The following ZMAT4 variants were observed in gnomAD, a reference collection of about 807,000 sequenced individuals.
The protein encoded by ZMAT4 is zinc finger matrin-type protein 4.
Under a neutral mutation model 28.7 loss-of-function variants are expected in ZMAT4, and 17 were observed. The observed-to-expected ratio is 0.59, with a 90% CI of 0.41 to 0.89. ZMAT4 has a LOEUF of 0.89. ZMAT4 is among the 40% of genes least tolerant of loss of function. The probability of loss-of-function intolerance (pLI) is 0.00; values close to 1 mark genes in which losing one functional copy is unlikely to be tolerated. For synonymous variants in ZMAT4, 117 were observed against 109.2 expected, an observed-to-expected ratio of 1.07 and a Z score of -0.44; for missense variants, 240 against 283.8, an observed-to-expected ratio of 0.85 and a Z score of 1.11.
chr8:40,653,316 T>C (rs1807767181), intron 5 of ZMAT4, among the ~76,000 whole-genome samples: 1 of 151,866 alleles, frequency 6.6e-6, no homozygotes. Flanking sequence ...AGATCTCAAT[T>C]CAATAACTAA....
At chr8:40,639,539 G>T (rs1806927243) in intron 5 of ZMAT4, among the ~76,000 whole-genome samples, 1 of 151,880 alleles carries the variant, frequency 6.6e-6, no homozygotes, top group Non-Finnish European at 1.5e-5. Context: ...TTTTTCTTGG[G>T]GTCAAAGTAA....
At chr8:40,573,435 C>G (rs1312342680) in intron 6 of ZMAT4, among the ~76,000 whole-genome samples, 1 of 152,174 alleles carries the variant, frequency 6.6e-6, no homozygotes, top group Non-Finnish European at 1.5e-5. Flanking sequence ...CTGCCTTCAT[C>G]TGCACTTAGC....
intron 4 of ZMAT4, among the ~76,000 whole-genome samples, chr8:40,694,351 A>G (rs1000185305): frequency 1.3e-5 from 2 of 151,746 alleles, no homozygotes; most frequent in Non-Finnish European, 2.9e-5. Context: ...TCCACCTTAT[A>G]CTCTAAGGCT....
intron 6 of ZMAT4, among the ~76,000 whole-genome samples, chr8:40,547,655 G>C (rs1803246405): frequency 6.6e-6 from 1 of 152,124 alleles, no homozygotes; most frequent in East Asian, 1.9e-4. Context: ...TAAGTTCTGG[G>C]TGCATGTGCA....
intron 5 of ZMAT4, among the ~76,000 whole-genome samples, chr8:40,625,474 C>T (rs902459910): frequency 6.6e-6 from 1 of 151,722 alleles, no homozygotes; most frequent in Non-Finnish European, 1.5e-5. Context: ...AGGGTGGTTG[C>T]GATAGAAGTG....
At chr8:40,580,250 G>T (rs180790129) in intron 6 of ZMAT4, among the ~76,000 whole-genome samples, 1 of 152,090 alleles carries the variant, frequency 6.6e-6, no homozygotes, top group African/African-American at 2.4e-5. Flanking sequence ...CTGACCTCCT[G>T]ATCCGCCCAC....
chr8:40,785,832 T>A (rs548614866), intron 2 of ZMAT4, among the ~76,000 whole-genome samples: 1 of 152,202 alleles, frequency 6.6e-6, no homozygotes, highest in Non-Finnish European at 1.5e-5. Flanking sequence ...CCTCCCACCA[T>A]CTGCTCTTAG....
At chr8:40,585,201 C>T (rs1804626885) in intron 5 of ZMAT4, among the ~76,000 whole-genome samples, 1 of 151,976 alleles carries the variant, frequency 6.6e-6, no homozygotes, top group Admixed American at 6.6e-5. Context: ...ATTAAGAGTC[C>T]ATTTAATTAT....
At chr8:40,833,123 G>A (rs1427733136) in intron 1 of ZMAT4, among the ~76,000 whole-genome samples, 1 of 152,208 alleles carries the variant, frequency 6.6e-6, no homozygotes, top group Non-Finnish European at 1.5e-5. Context: ...GCCTGCCAGT[G>A]CAGGAGCCTC....
chr8:40,572,526 T>A (rs936812720), intron 6 of ZMAT4, among the ~76,000 whole-genome samples: 7 of 152,140 alleles, frequency 4.6e-5, no homozygotes, highest in African/African-American at 1.7e-4. Flanking sequence ...CTAGGTAACA[T>A]CATGTCCTGA....
intron 6 of ZMAT4, among the ~76,000 whole-genome samples, chr8:40,578,060 GA>G (rs1804328367): frequency 6.6e-6 from 1 of 151,966 alleles, no homozygotes; most frequent in Non-Finnish European, 1.5e-5. Flanking sequence ...ACGCAAAGAG[GA>G]AAGAACAGTG....
chr8:40,883,854 G>A (rs1049264703), intron 1 of ZMAT4, among the ~76,000 whole-genome samples: 6 of 152,058 alleles, frequency 3.9e-5, no homozygotes, highest in African/African-American at 1.4e-4. Context: ...AGCAGCTCCA[G>A]GCCTGTAGGA....
At chr8:40,871,502 T>C (rs1817855890) in intron 1 of ZMAT4, among the ~76,000 whole-genome samples, 1 of 152,094 alleles carries the variant, frequency 6.6e-6, no homozygotes, top group African/African-American at 2.4e-5. Flanking sequence ...AAGCATAAAG[T>C]TGCAATATAC....
intron 2 of ZMAT4, among the ~76,000 whole-genome samples, chr8:40,770,578 C>T (rs1347790997): frequency 1.5e-5 from 2 of 133,408 alleles, no homozygotes; most frequent in African/African-American, 5.5e-5. Context: ...GACAGAGTCT[C>T]GTTCTGTCGC....
At chr8:40,635,127 A>T (rs1806744032) in intron 5 of ZMAT4, among the ~76,000 whole-genome samples, 1 of 152,166 alleles carries the variant, frequency 6.6e-6, no homozygotes, top group Non-Finnish European at 1.5e-5. Flanking sequence ...AAATCTGGTA[A>T]ACAACAGTGT....
At chr8:40,571,803 G>A (rs1804107234) in intron 6 of ZMAT4, among the ~76,000 whole-genome samples, 1 of 152,006 alleles carries the variant, frequency 6.6e-6, no homozygotes, top group Non-Finnish European at 1.5e-5. Flanking sequence ...TTTGGAAAAG[G>A]ATAGCTCTAT....
chr8:40,558,287 T>C (rs1803613559), intron 6 of ZMAT4, among the ~76,000 whole-genome samples: 1 of 152,116 alleles, frequency 6.6e-6, no homozygotes, highest in Non-Finnish European at 1.5e-5. Context: ...GAGGGGACTA[T>C]GATCTGGATG....
intron 6 of ZMAT4, among the ~76,000 whole-genome samples, chr8:40,556,145 C>T (rs1367745211): frequency 6.6e-6 from 1 of 152,054 alleles, no homozygotes; most frequent in Non-Finnish European, 1.5e-5. Context: ...TTGCTTGCCT[C>T]TCTCCTTACC....
intron 4 of ZMAT4, among the ~76,000 whole-genome samples, chr8:40,677,706 G>T (rs1808969807): frequency 6.6e-6 from 1 of 152,060 alleles, no homozygotes; most frequent in Non-Finnish European, 1.5e-5. Flanking sequence ...ACATGCTTTG[G>T]CAGAGTGTAT....
Sources: allele counts gnomAD v4.1 joint callset (sites outside exome capture counted in the v4.1 genomes callset), GRCh38; gene constraint gnomAD v4.1.1; transcripts MANE v1.5; gene names NCBI Gene and HGNC (gene_info 2026-07-23, HGNC 2026-07-21).